The following ADAM9 variants were observed in gnomAD, a reference collection of about 807,000 sequenced individuals.
The protein encoded by ADAM9 is disintegrin and metalloproteinase domain-containing protein 9.
In ADAM9, 54 loss-of-function variants were observed where a neutral mutation model predicts 108.1. The observed-to-expected ratio is 0.50, with a 90% CI of 0.40 to 0.63. The LOEUF is 0.63. ADAM9 is among the 20% of genes least tolerant of loss of function. The pLI is 0.00. For synonymous variants in ADAM9, 316 were observed against 336.0 expected, an observed-to-expected ratio of 0.94 and a Z score of 0.65; for missense variants, 830 against 997.7, an observed-to-expected ratio of 0.83 and a Z score of 2.26.
intron 16 of ADAM9, among the ~76,000 whole-genome samples, chr8:39,079,724 A>G (rs1407924734): frequency 6.6e-6 from 1 of 151,544 alleles, no homozygotes; most frequent in Admixed American, 6.6e-5. Context: ...AGCTGGGATT[A>G]CAGGCATCTG....
At chr8:39,066,949 C>T (rs982752474) in intron 14 of ADAM9, among the ~76,000 whole-genome samples, 5 of 152,184 alleles carry the variant, frequency 3.3e-5, no homozygotes, top group African/African-American at 1.2e-4. Flanking sequence ...GGAAGGGATC[C>T]AGTTTCAGTT....
At position 39,000,313 on chromosome 8, in the gene ADAM9, G is replaced by A. The variant is rs374210223; in HGVS notation, c.97+3153G>A. ...CAGCCTCTCTCACAGTCTTTGAATG[G>A]GTCTAATGTGGACCCAACTAAAGTT... On this transcript the variant is annotated intron_variant, in intron 1 of 21. Coordinates refer to ENST00000487273, the MANE Select transcript of ADAM9 (RefSeq NM_003816.3). Among the ~76,000 whole-genome samples, 157 of 152,180 alleles carry A rather than the reference G, an allele frequency of 1.0e-3. 1 individual carries two copies. Among genetic ancestry groups the A allele is most frequent in the African/African-American group, 3.7e-3 (152 of 41,536 alleles).
chr8:39,103,030 A>G (rs1005900489), intron 21 of ADAM9, among the ~76,000 whole-genome samples: 1 of 152,176 alleles, frequency 6.6e-6, no homozygotes, highest in Admixed American at 6.5e-5. Flanking sequence ...GGGAAAGAGT[A>G]TATAAATTGT....
At chr8:39,039,307 G>A (rs1837383075) in intron 11 of ADAM9, among the ~76,000 whole-genome samples, 1 of 152,126 alleles carries the variant, frequency 6.6e-6, no homozygotes, top group South Asian at 2.1e-4. Context: ...TTGTATTTAA[G>A]ATGTACAACA....
chr8:39,105,100 A>G lies in ADAM9; in HGVS notation c.*1400A>G. ...AAATTCTAGTCAAATTTTTACAGATATTATCTCACTAATTTTCAGACTTTT... is the reference window on the plus strand; with the variant it reads ...AAATTCTAGTCAAATTTTTACAGATGTTATCTCACTAATTTTCAGACTTTT... On this transcript the variant is annotated 3_prime_UTR_variant, in exon 22 of 22. Transcript: ENST00000487273. The G allele has an allele frequency of 4.9e-6, 2 of 407,654 alleles. No homozygotes were observed. Among genetic ancestry groups the G allele is most frequent in the South Asian group, 3.7e-5 (2 of 54,204 alleles). The allele number at this position is 407,654 out of a possible 1,614,324, so 25.3% of individuals were successfully genotyped here.
chr8:39,068,403 G>C (rs556910863), intron 14 of ADAM9, among the ~76,000 whole-genome samples: 45 of 152,064 alleles, frequency 3.0e-4, no homozygotes, highest in Non-Finnish European at 5.4e-4. Context: ...AGTCGGGCAC[G>C]GTGGCTCACA....
rs568496930 is a variant in ADAM9 at position 39,037,344 on chromosome 8, C to T, written c.1131-4602C>T. On this transcript the variant is annotated intron_variant, in intron 11 of 21. Transcript: ENST00000487273. Reference sequence around the variant, plus strand: ...GATTACAAGCGTAAGCCACCACGCCCGGCCTGCCTGCGCAAGTTCTATGGC... The same window carrying T: ...GATTACAAGCGTAAGCCACCACGCCTGGCCTGCCTGCGCAAGTTCTATGGC... Among the ~76,000 whole-genome samples, 23 of 140,620 alleles carry T rather than the reference C, an allele frequency of 1.6e-4. No homozygotes were observed. In the South Asian group the frequency reaches 2.3e-3, roughly 14 times the overall value. 92.3% of individuals were successfully genotyped at this position (140,620 alleles called of 152,430 possible).
At chr8:39,048,750 C>T (rs1161395666) in intron 12 of ADAM9, among the ~76,000 whole-genome samples, 2 of 152,082 alleles carry the variant, frequency 1.3e-5, no homozygotes, top group South Asian at 2.1e-4. Context: ...TATTTAGGTG[C>T]TCTAATGCTG....
At chr8:39,086,255 T>G (rs184360338) in intron 18 of ADAM9, among the ~76,000 whole-genome samples, 1 of 152,314 alleles carries the variant, frequency 6.6e-6, no homozygotes, top group Non-Finnish European at 1.5e-5. Flanking sequence ...CCTCAAATGA[T>G]TCACCCACCT....
intron 14 of ADAM9, among the ~76,000 whole-genome samples, chr8:39,062,204 C>T (rs1259662596): frequency 6.6e-6 from 1 of 152,102 alleles, no homozygotes. Context: ...AACCATTGCC[C>T]TGGTAAAAGC....
Position 39,036,708 on chromosome 8 carries a change from G to T in ADAM9, c.1131-5238G>T, listed in dbSNP as rs1303075862. 2.0e-5 allele frequency among the ~76,000 whole-genome samples: 3 copies of T among 152,182 alleles called. No individual in the cohort carries two copies. The East Asian group carries it at 5.8e-4, about 29-fold the overall frequency. On this transcript the variant is annotated intron_variant, in intron 11 of 21. Coordinates refer to ENST00000487273, the MANE Select transcript of ADAM9 (RefSeq NM_003816.3). ...CATAGGTGCCAGCCAGTGATGGCTA[G>T]TGGAAGGGTATTTTCACTGTAGCCT... is the stretch of plus-strand genomic sequence containing the variant.
At chr8:39,025,954 A>G in intron 10 of ADAM9, 70 bp downstream of exon 10, 3 of 1,454,814 alleles carry the variant, frequency 2.1e-6, no homozygotes, top group South Asian at 1.1e-5. Flanking sequence ...TTGACTGTAT[A>G]CTTCCTCCCC....
chr8:39,034,714 ATGT>A (rs1208275961), intron 11 of ADAM9, among the ~76,000 whole-genome samples: 3 of 151,756 alleles, frequency 2.0e-5, no homozygotes, highest in Non-Finnish European at 2.9e-5. Flanking sequence ...TTTGCTTTCC[ATGT>A]TGTTGTTGAG....
intron 15 of ADAM9, among the ~76,000 whole-genome samples, chr8:39,075,418 T>G (rs550594515): frequency 6.6e-6 from 1 of 152,312 alleles, no homozygotes; most frequent in South Asian, 2.1e-4. Flanking sequence ...TTGTGCCATA[T>G]GAATATCCAG....
At chr8:39,021,762 A>G (rs1441789686) in intron 8 of ADAM9, 48 bp downstream of exon 8, 1 of 1,526,946 alleles carries the variant, frequency 6.5e-7, no homozygotes, top group East Asian at 2.3e-5. Context: ...CTATTCTTTC[A>G]GTCCCAGAAC....
In ADAM9 at chr8:39,064,014, G is replaced by A. The variant is rs577558379; in HGVS notation, c.1592-7284G>A. Reference sequence around the variant, plus strand: ...GGTCACTTATATGGTGCTTGAACTAGGAATCCCTGCGCTTATCATCTTCTT... The same window carrying A: ...GGTCACTTATATGGTGCTTGAACTAAGAATCCCTGCGCTTATCATCTTCTT... On this transcript the variant is annotated intron_variant, in intron 14 of 21. Coordinates refer to ENST00000487273, the MANE Select transcript of ADAM9 (RefSeq NM_003816.3). Among the ~76,000 whole-genome samples the A allele has an allele frequency of 1.2e-4, 18 of 152,148 alleles. No individual in the cohort carries two copies. In the South Asian group the frequency reaches 3.7e-3, roughly 32 times the overall value.
At chr8:39,059,388 C>T (rs1219884287) in intron 14 of ADAM9, among the ~76,000 whole-genome samples, 1 of 148,894 alleles carries the variant, frequency 6.7e-6, no homozygotes, top group African/African-American at 2.5e-5. Context: ...CAGGATTGGA[C>T]TTTGCTACTG....
chr8:39,089,004 C>A (rs1839263915), intron 18 of ADAM9, among the ~76,000 whole-genome samples: 1 of 152,146 alleles, frequency 6.6e-6, no homozygotes, highest in Non-Finnish European at 1.5e-5. Flanking sequence ...AATCCCAGCA[C>A]TTAGGGAGGC....
At position 39,101,866 on chromosome 8, in the gene ADAM9, A is replaced by G. The variant is rs772376011; in HGVS notation, c.2302A>G (p.Ile768Val). ...CTTATTTTTTTTTTCTTTTTAGCCTATATATGCAAACAGATTTGCAGTACC... is the reference window on the plus strand; with the variant it reads ...CTTATTTTTTTTTTCTTTTTAGCCTGTATATGCAAACAGATTTGCAGTACC... The part of the protein sequence containing the change: ...SPVTPPREVP[I>V]YANRFAVPTY... Residue 768 changes from isoleucine to valine, a missense_variant, in exon 21 of 22, where the codon ATA becomes GTA. Ile to Val is a conservative substitution (Grantham distance 29, BLOSUM62 3). Transcript: ENST00000487273. 11 of 1,611,910 alleles carry G rather than the reference A, an allele frequency of 6.8e-6. No individual in the cohort carries two copies. Among genetic ancestry groups the G allele is most frequent in the South Asian group, 4.4e-5 (4 of 90,964 alleles).
Sources: allele counts gnomAD v4.1 joint callset (sites outside exome capture counted in the v4.1 genomes callset), GRCh38; gene constraint gnomAD v4.1.1; transcripts MANE v1.5; gene names NCBI Gene and HGNC (gene_info 2026-07-23, HGNC 2026-07-21).